Variants in SMCHD1 observed in about 807,000 individuals in gnomAD.
SMCHD1 encodes the protein structural maintenance of chromosomes flexible hinge domain containing 1, also known as structural maintenance of chromosomes flexible hinge domain-containing protein 1.
A neutral mutation model predicts 254.7 loss-of-function variants in SMCHD1; 78 were observed. The ratio of observed to expected loss-of-function variants is 0.31; its 90% CI spans 0.26 to 0.37. SMCHD1 has a LOEUF of 0.37. Among genes scored for constraint, SMCHD1 ranks in the 10% least tolerant of loss-of-function variants. The probability of loss-of-function intolerance (pLI) is 1.00; values close to 1 mark genes in which losing one functional copy is unlikely to be tolerated. For synonymous variants in SMCHD1, 766 were observed against 794.9 expected, an observed-to-expected ratio of 0.96 and a Z score of 0.61; for missense variants, 1,840 against 2,408.1, an observed-to-expected ratio of 0.76 and a Z score of 4.94.
At position 2,738,583 on chromosome 18, in the gene SMCHD1, A is replaced by G. The variant is rs752874483; in HGVS notation, c.3425+38A>G. The G allele has an allele frequency of 3.2e-6, 5 of 1,550,272 alleles. No homozygotes were observed. In the South Asian group the frequency reaches 4.8e-5, roughly 15 times the overall value. ...ATTATATTTTGCAGCCTATGGCAAC[A>G]AAATACTGTCCTCCATTGCACATAT... On this transcript the variant is annotated intron_variant, in intron 26 of 47. Transcript: ENST00000320876.
At chr18:2,749,464 T>A (rs2075530565) in intron 30 of SMCHD1, among the ~76,000 whole-genome samples, 1 of 152,214 alleles carries the variant, frequency 6.6e-6, no homozygotes, top group African/African-American at 2.4e-5. Flanking sequence ...TGGAGAACCA[T>A]CTGTAAAAGG....
In SMCHD1 at chr18:2,726,511, T is replaced by C. The variant is rs965348576; in HGVS notation, c.2760T>C (p.Ile920=). 2 of 1,398,700 alleles carry C rather than the reference T, an allele frequency of 1.4e-6. No homozygotes were observed. 86.6% of individuals were successfully genotyped at this position (1,398,700 alleles called of 1,614,324 possible). A position where few individuals can be genotyped will look rare whatever the true frequency, so the allele number is the denominator to read the frequency against. ...GLKEDSQILK[I]RLLPGHPRRL... The stretch of plus-strand genomic sequence containing the variant: ...AAGAAGACTCACAGATTTTGAAAAT[T>C]AGATTACTACCTGGTAATATTATTT... The change falls in exon 22 of 48, where the codon ATT becomes ATC. Residue 920 remains isoleucine (I), a synonymous_variant. Transcript: ENST00000320876.
At chr18:2,658,667 G>A (rs1387009188) in intron 1 of SMCHD1, among the ~76,000 whole-genome samples, 1 of 152,056 alleles carries the variant, frequency 6.6e-6, no homozygotes, top group Non-Finnish European at 1.5e-5. Flanking sequence ...ATTAGATTGT[G>A]CCTCGGATCC....
In SMCHD1 at chr18:2,689,243, A is replaced by C. The variant is rs1205183570; in HGVS notation, c.873+496A>C. Among the ~76,000 whole-genome samples the C allele has an allele frequency of 2.4e-5, 3 of 125,848 alleles. No homozygotes were observed. In the East Asian group the frequency reaches 7.3e-4, roughly 31 times the overall value. The allele number at this position is 125,848 out of a possible 152,430, so 82.6% of individuals were successfully genotyped here. On this transcript the variant is annotated intron_variant, in intron 7 of 47. Transcript: ENST00000320876. ...TTCTTTTTTTTTTTTTTTGAGATGG[A>C]GTCTCACTCTGTCTCCTGGGCTGGA...
intron 45 of SMCHD1, among the ~76,000 whole-genome samples, chr18:2,788,891 C>A (rs1203437401): frequency 6.6e-6 from 1 of 152,220 alleles, no homozygotes; most frequent in Non-Finnish European, 1.5e-5. Context: ...GCCACCTCCC[C>A]TGGCCAAATT....
chr18:2,796,956 T>A (rs2076274807), intron 47 of SMCHD1: 1 of 151,942 alleles, frequency 6.6e-6, no homozygotes, highest in African/African-American at 2.4e-5. Flanking sequence ...TATTTTAAAT[T>A]AAAAAAAATA....
intron 17 of SMCHD1, among the ~76,000 whole-genome samples, chr18:2,709,860 C>T (rs548774955): frequency 6.6e-6 from 1 of 152,276 alleles, no homozygotes; most frequent in East Asian, 1.9e-4. Context: ...TGCTTTTTCA[C>T]TTTGTCAATG....
intron 21 of SMCHD1, among the ~76,000 whole-genome samples, 174 bp downstream of exon 21, chr18:2,725,169 A>G (rs1422641903): frequency 1.3e-5 from 2 of 152,124 alleles, no homozygotes; most frequent in African/African-American, 2.4e-5. Flanking sequence ...TACATCTGTA[A>G]GAAAAGTTGG....
intron 47 of SMCHD1, chr18:2,801,214 A>G (rs1403974900): frequency 6.6e-6 from 1 of 152,204 alleles, no homozygotes; most frequent in Admixed American, 6.5e-5. Flanking sequence ...CAAAATACTC[A>G]CTAAGATACT....
chr18:2,744,498 A>G (rs1488955461), intron 29 of SMCHD1, among the ~76,000 whole-genome samples: 1 of 152,154 alleles, frequency 6.6e-6, no homozygotes, highest in Non-Finnish European at 1.5e-5. Context: ...ATTGTGTACA[A>G]CATATTTTGA....
chr18:2,685,383 G>A (rs2074028673), intron 5 of SMCHD1, among the ~76,000 whole-genome samples: 1 of 152,120 alleles, frequency 6.6e-6, no homozygotes, highest in African/African-American at 2.4e-5. Context: ...ACAGGCGTGA[G>A]CCACCGCACC....
At chr18:2,759,059 A>G (rs2075733730) in intron 34 of SMCHD1, among the ~76,000 whole-genome samples, 1 of 152,108 alleles carries the variant, frequency 6.6e-6, no homozygotes, top group Non-Finnish European at 1.5e-5. Flanking sequence ...TCAGTTAATC[A>G]ATGTATTAAA....
intron 40 of SMCHD1, 28 bp from the exon 41 acceptor site, chr18:2,772,222 G>T: frequency 6.5e-7 from 1 of 1,529,986 alleles, no homozygotes; most frequent in Non-Finnish European, 8.7e-7. Flanking sequence ...AATTGGTCTT[G>T]TAGTTAATTT....
intron 42 of SMCHD1, among the ~76,000 whole-genome samples, chr18:2,777,065 C>G (rs540135368): frequency 2.0e-5 from 3 of 146,606 alleles, no homozygotes; most frequent in African/African-American, 7.4e-5. Flanking sequence ...CACCACCTCC[C>G]CCCCCCATAC....
At chr18:2,800,478 T>A (rs947337848) in intron 47 of SMCHD1, 1 of 152,176 alleles carries the variant, frequency 6.6e-6, no homozygotes, top group Non-Finnish European at 1.5e-5. Context: ...CACATTTATC[T>A]ATTTTGATTT....
chr18:2,708,907 T>TATATATATATATGTATAA (rs769432583), intron 17 of SMCHD1, among the ~76,000 whole-genome samples: 4 of 44,702 alleles, frequency 8.9e-5, no homozygotes, highest in Non-Finnish European at 1.6e-4. Context: ...TATATATATA[T>TATATATATATATGTATAA]AACATATTAA....
rs1326884336 is a variant in SMCHD1 at position 2,743,410 on chromosome 18, G to A, written c.3634-351G>A. The stretch of plus-strand genomic sequence containing the variant: ...GTACAAAAATCTAAAGACAAACAGT[G>A]TGTATATCTGGTAAATAATGTTGCA... On this transcript the variant is annotated intron_variant, in intron 28 of 47. Transcript: ENST00000320876. 6.6e-5 allele frequency among the ~76,000 whole-genome samples: 10 copies of A among 152,192 alleles called. No individual in the cohort carries two copies. In the East Asian group the frequency reaches 1.7e-3, roughly 26 times the overall value.
intron 15 of SMCHD1, among the ~76,000 whole-genome samples, chr18:2,706,824 A>T (rs1021616116): frequency 2.6e-5 from 4 of 152,190 alleles, no homozygotes; most frequent in South Asian, 2.1e-4. Flanking sequence ...TGCTATAAAG[A>T]TACTACCTGA....
chr18:2,734,099 T>C (rs1454447378), intron 25 of SMCHD1, among the ~76,000 whole-genome samples: 19 of 152,346 alleles, frequency 1.2e-4, no homozygotes, highest in Non-Finnish European at 5.9e-5. Context: ...TAAAATCTTA[T>C]TTGGAACAAT....
Sources: allele counts gnomAD v4.1 joint callset (sites outside exome capture counted in the v4.1 genomes callset), GRCh38; gene constraint gnomAD v4.1.1; transcripts MANE v1.5; gene names NCBI Gene and HGNC (gene_info 2026-07-23, HGNC 2026-07-21).